PSD3: variants seen among roughly 807,000 people sequenced by gnomAD.
PSD3 encodes PH and SEC7 domain-containing protein 3.
Under a neutral mutation model 105.5 loss-of-function variants are expected in PSD3, and 49 were observed. The ratio of observed to expected loss-of-function variants is 0.46; its 90% CI spans 0.37 to 0.59. The LOEUF (loss-of-function observed/expected upper bound fraction) is 0.59, where lower values mean the gene tolerates loss of function less well. Ranked by LOEUF, PSD3 falls within the 20% of genes least tolerant of loss-of-function variation. The pLI is 0.00. For synonymous variants in PSD3, 557 were observed against 457.8 expected (o/e 1.22, Z -2.77); for missense variants, 1,561 against 1,263.8 (o/e 1.24, Z -3.57).
rs1032683429 is a variant in PSD3 at position 18,532,965 on chromosome 8, G to A, written c.*2778C>T. On this transcript the variant is annotated 3_prime_UTR_variant, in exon 16 of 16. Transcript: ENST00000327040. ...ATGGAAGGAAGTCCCAAGGCTCCTG[G>A]GCGCTGAGGTGGGCGACGGAGGTGG... 2.6e-5 allele frequency: 4 copies of A among 152,270 alleles called. No individual in the cohort carries two copies. Among genetic ancestry groups the A allele is most frequent in the African/African-American group, 9.7e-5 (4 of 41,446 alleles). The allele number at this position is 152,270 out of a possible 1,614,324, so 9.4% of individuals were successfully genotyped here.
chr8:19,021,670 A>G (rs1827367028), intron 1 of PSD3, among the ~76,000 whole-genome samples: 1 of 152,160 alleles, frequency 6.6e-6, no homozygotes, highest in South Asian at 2.1e-4. Context: ...GTTGACCAAA[A>G]CTATCTGCTG....
Position 18,927,845 on chromosome 8 carries a change from G to T in PSD3, c.130+8189C>A, listed in dbSNP as rs144175197. On this transcript the variant is annotated intron_variant, in intron 2 of 15. Coordinates refer to ENST00000327040, the MANE Select transcript of PSD3 (RefSeq NM_015310.4). ...TAGGAGGTGTATGCCAGGAAATGGGGACAAAAACCAAATACATATTTCACA... is the reference window on the plus strand; with the variant it reads ...TAGGAGGTGTATGCCAGGAAATGGGTACAAAAACCAAATACATATTTCACA... Among the ~76,000 whole-genome samples, 344 of 152,266 alleles carry T rather than the reference G, an allele frequency of 2.3e-3. 1 individual carries two copies. Among genetic ancestry groups the T allele is most frequent in the African/African-American group, 7.8e-3 (326 of 41,548 alleles).
intron 2 of PSD3, among the ~76,000 whole-genome samples, chr8:18,895,336 G>T (rs540421061): frequency 2.6e-5 from 4 of 152,162 alleles, no homozygotes; most frequent in Non-Finnish European, 5.9e-5. Flanking sequence ...TCCTATTTCA[G>T]ATGCATCATT....
chr8:19,069,619 G>A (rs1829187606), intron 1 of PSD3, among the ~76,000 whole-genome samples: 1 of 152,190 alleles, frequency 6.6e-6, no homozygotes, highest in Admixed American at 6.5e-5. Flanking sequence ...ACGATTTAGT[G>A]AGAACGTTTT....
intron 1 of PSD3, among the ~76,000 whole-genome samples, chr8:19,064,707 C>G (rs527386658): frequency 3.3e-5 from 5 of 152,226 alleles, no homozygotes; most frequent in Admixed American, 3.3e-4. Context: ...TCCCACTCAG[C>G]ATTCTAGTAT....
chr8:19,059,924 C>T lies in PSD3; in HGVS notation c.324+24282G>A, dbSNP rs369712211. On this transcript the variant is annotated intron_variant, in intron 1 of 1. Transcript: ENST00000521475. ...TGGCTTTGCTCTGTGCAGAGAGCTG[C>T]ATCCCCAGCAATGGGGCAGGACTTG... Among the ~76,000 whole-genome samples, 207 of 152,322 alleles carry T rather than the reference C, an allele frequency of 1.4e-3. 3 individuals carry two copies. The highest frequency in any genetic ancestry group is 7.2e-4 in the Admixed American group (11 of 15,290).
At chr8:18,642,056 G>C (rs1042748918) in intron 10 of PSD3, among the ~76,000 whole-genome samples, 6 of 152,154 alleles carry the variant, frequency 3.9e-5, no homozygotes, top group Non-Finnish European at 8.8e-5. Context: ...TTCATCACTA[G>C]CCTTTTAATA....
intron 2 of PSD3, among the ~76,000 whole-genome samples, chr8:18,934,526 T>A (rs1297115577): frequency 6.6e-6 from 1 of 152,154 alleles, no homozygotes; most frequent in Non-Finnish European, 1.5e-5. Flanking sequence ...TTCTCCTGCC[T>A]CAGCCTCCCG....
chr8:18,669,942 T>C (rs966594315), intron 9 of PSD3, among the ~76,000 whole-genome samples: 1 of 152,220 alleles, frequency 6.6e-6, no homozygotes, highest in South Asian at 2.1e-4. Flanking sequence ...CAGTTATTTA[T>C]TTAGGCATCG....
At chr8:18,859,772 T>C (rs1277322422) in intron 4 of PSD3, among the ~76,000 whole-genome samples, 1 of 152,238 alleles carries the variant, frequency 6.6e-6, no homozygotes, top group Admixed American at 6.5e-5. Context: ...TTTCAGAGAA[T>C]TGAAGAGAGT....
At chr8:18,614,461 A>C (rs1240056918) in intron 11 of PSD3, among the ~76,000 whole-genome samples, 4 of 151,684 alleles carry the variant, frequency 2.6e-5, no homozygotes, top group Non-Finnish European at 5.9e-5. Flanking sequence ...AGGATGCTTA[A>C]AGAGAAAAGA....
At chr8:18,810,470 T>C in intron 4 of PSD3, among the ~76,000 whole-genome samples, 1 of 152,224 alleles carries the variant, frequency 6.6e-6, no homozygotes, top group East Asian at 1.9e-4. Context: ...CTTTCAATTT[T>C]TCCCAGAACT....
chr8:18,805,764 G>A (rs1004677903), intron 4 of PSD3, among the ~76,000 whole-genome samples: 4 of 152,120 alleles, frequency 2.6e-5, no homozygotes, highest in Non-Finnish European at 2.9e-5. Context: ...AAAAGTCTAA[G>A]TATTGGGAAG....
intron 9 of PSD3, among the ~76,000 whole-genome samples, chr8:18,741,795 TAAAAAAAAAAAAA>T (rs3042866): frequency 1.3e-5 from 1 of 79,694 alleles, no homozygotes; most frequent in African/African-American, 6.1e-5. Context: ...AATTTTATTG[TAAAAAAAAAAAAA>T]AAAAAAAAAA....
At chr8:18,947,737 A>G (rs936179210) in intron 1 of PSD3, among the ~76,000 whole-genome samples, 3 of 152,192 alleles carry the variant, frequency 2.0e-5, no homozygotes, top group Non-Finnish European at 2.9e-5. Context: ...GGAAGATTCT[A>G]TCCCCCTTCT....
rs536145994 is a variant in PSD3, at chr8:18,984,041, A to C, written c.21+29522T>G. Among the ~76,000 whole-genome samples the C allele has an allele frequency of 2.6e-5, 4 of 151,416 alleles. No homozygotes were observed. The South Asian group carries it at 8.4e-4, about 32-fold the overall frequency. ...AAAAAAAAAAAAAATCACTGATCGC[A>C]GATCATAACAATAGGTATAATAATA... On this transcript the variant is annotated intron_variant, in intron 1 of 15. Transcript: ENST00000327040.
chr8:18,647,005 T>C (rs143425956), intron 10 of PSD3, among the ~76,000 whole-genome samples: 21 of 152,286 alleles, frequency 1.4e-4, no homozygotes, highest in African/African-American at 4.3e-4. Flanking sequence ...AGTAATCCCA[T>C]TGCCTCTATC....
chr8:18,875,541 CTT>C (rs972080881), intron 2 of PSD3, among the ~76,000 whole-genome samples: 2 of 145,340 alleles, frequency 1.4e-5, no homozygotes, highest in African/African-American at 2.5e-5. Context: ...AATTCTAGAA[CTT>C]TTTTTTTTTT....
chr8:18,661,563 C>G (rs1809349975), intron 9 of PSD3, among the ~76,000 whole-genome samples: 1 of 152,208 alleles, frequency 6.6e-6, no homozygotes, highest in Admixed American at 6.5e-5. Flanking sequence ...TGAAAAACTG[C>G]ACTATCTCTC....
Sources: allele counts gnomAD v4.1 joint callset (sites outside exome capture counted in the v4.1 genomes callset), GRCh38; gene constraint gnomAD v4.1.1; transcripts MANE v1.5; gene names NCBI Gene and HGNC (gene_info 2026-07-23, HGNC 2026-07-21).